The following ABHD5 variants were observed in gnomAD, a reference collection of about 807,000 sequenced individuals.
The protein encoded by ABHD5 is 1-acylglycerol-3-phosphate O-acyltransferase ABHD5.
In ABHD5, 30 loss-of-function variants were observed where a neutral mutation model predicts 44.9. That is an observed-to-expected ratio of 0.67 (90% CI 0.50 to 0.91). The LOEUF is 0.91. ABHD5 is among the 40% of genes least tolerant of loss of function. ABHD5 has a pLI of 0.00. For synonymous variants in ABHD5, 167 were observed against 147.0 expected (o/e 1.14, Z -0.99); for missense variants, 399 against 423.4 (o/e 0.94, Z 0.50).
At position 43,702,227 on chromosome 3, in the gene ABHD5, C is replaced by A. The variant is rs1420751372; in HGVS notation, c.146C>A (p.Thr49Lys). ...ATGTTTTCATTAGGTGTGCCTTGCA[C>A]ATACAAAAAAGAACCTGTTCGTATA... ...EEKMLKCVPC[T>K]YKKEPVRISN... Residue 49 changes from threonine to lysine, a missense_variant, in exon 3 of 7, where the codon ACA becomes AAA. Physicochemically the swap from Thr to Lys is moderately conservative, Grantham distance 78 (BLOSUM62 -1). Transcript: ENST00000644371. The A allele has an allele frequency of 6.3e-7, 1 of 1,588,180 alleles. No individual in the cohort carries two copies. Among genetic ancestry groups the A allele is most frequent in the Admixed American group, 1.7e-5 (1 of 57,296 alleles).
At chr3:43,715,443 G>A (rs2149605046) in intron 5 of ABHD5, among the ~76,000 whole-genome samples, 1 of 152,294 alleles carries the variant, frequency 6.6e-6, no homozygotes, top group Non-Finnish European at 1.5e-5. Flanking sequence ...GATTACAGGT[G>A]TGAGCCACCG....
In ABHD5 at chr3:43,721,237, T is replaced by C. The variant is rs2149608790; in HGVS notation, c.*2705T>C. Reference sequence around the variant, plus strand: ...TGTTGAGAGAAGTGTGGTTAACCATTTGGAAAAAAAAATAAAATTGAATCG... The same window carrying C: ...TGTTGAGAGAAGTGTGGTTAACCATCTGGAAAAAAAAATAAAATTGAATCG... On this transcript the variant is annotated 3_prime_UTR_variant, in exon 7 of 7. Transcript: ENST00000644371. 6.6e-6 allele frequency: 1 copy of C among 151,872 alleles called. No homozygotes were observed. The highest frequency in any genetic ancestry group is 2.1e-4 in the South Asian group (1 of 4,822). 9.4% of individuals were successfully genotyped at this position (151,872 alleles called of 1,614,324 possible). A position where few individuals can be genotyped will look rare whatever the true frequency, so the allele number is the denominator to read the frequency against.
chr3:43,696,994 T>C (rs1339915304), intron 1 of ABHD5, among the ~76,000 whole-genome samples: 1 of 152,186 alleles, frequency 6.6e-6, no homozygotes, highest in Non-Finnish European at 1.5e-5. Flanking sequence ...CCCTACTTTT[T>C]AATGTAAGCT....
At chr3:43,706,351 C>T (rs917552295) in intron 3 of ABHD5, among the ~76,000 whole-genome samples, 10 of 152,070 alleles carry the variant, frequency 6.6e-5, no homozygotes, top group Middle Eastern at 3.4e-3. Flanking sequence ...GTGGGGGGAG[C>T]GGTAAGAGGA....
chr3:43,731,942 G>A (rs1180599427), intron 7 of ABHD5, among the ~76,000 whole-genome samples: 1 of 152,292 alleles, frequency 6.6e-6, no homozygotes, highest in East Asian at 1.9e-4. Flanking sequence ...AGCGCCCCAT[G>A]CAGTTGCACA....
intron 3 of ABHD5, among the ~76,000 whole-genome samples, chr3:43,706,581 G>A (rs751996266): frequency 5.3e-5 from 8 of 151,736 alleles, no homozygotes; most frequent in Non-Finnish European, 8.8e-5. Context: ...AACCTCCCGT[G>A]TAGCTAGTAC....
At chr3:43,708,528 A>C (rs1306240111) in intron 3 of ABHD5, among the ~76,000 whole-genome samples, 1 of 152,270 alleles carries the variant, frequency 6.6e-6, no homozygotes, top group East Asian at 1.9e-4. Context: ...CTGTCTTTCC[A>C]TGTTCCCGGG....
chr3:43,711,654 A>G, intron 3 of ABHD5, 55 bp from the exon 4 acceptor site: 2 of 1,595,636 alleles, frequency 1.3e-6, no homozygotes, highest in Non-Finnish European at 8.6e-7. Context: ...TTAGCTCTTT[A>G]TAGTCTTAGG....
At chr3:43,716,477 C>A (rs2084764201) in intron 5 of ABHD5, among the ~76,000 whole-genome samples, 2 of 152,096 alleles carry the variant, frequency 1.3e-5, no homozygotes, top group South Asian at 4.1e-4. Flanking sequence ...TTATTTCCTC[C>A]CTCACTTTTG....
chr3:43,720,654 A>G lies in ABHD5; in HGVS notation c.*2122A>G, dbSNP rs2084824671. 6.6e-6 allele frequency: 1 copy of G among 152,208 alleles called. No homozygotes were observed. The highest frequency in any genetic ancestry group is 1.9e-4 in the East Asian group (1 of 5,202). The allele number at this position is 152,208 out of a possible 1,614,324, so 9.4% of individuals were successfully genotyped here. ...GCATTTGATCTTTGTTATGCACAGC[A>G]TACTTTTATTTTACAGAATAAATTT... is the stretch of plus-strand genomic sequence containing the variant. On this transcript the variant is annotated 3_prime_UTR_variant, in exon 7 of 7. Coordinates refer to ENST00000644371, the MANE Select transcript of ABHD5 (RefSeq NM_016006.6).
intron 6 of ABHD5, among the ~76,000 whole-genome samples, chr3:43,718,121 C>T (rs1473882386): frequency 1.3e-5 from 2 of 152,142 alleles, no homozygotes; most frequent in South Asian, 2.1e-4. Context: ...GGGATTGGTC[C>T]AGTAGCACTT....
intron 1 of ABHD5, among the ~76,000 whole-genome samples, chr3:43,692,936 T>C (rs1252388740): frequency 6.6e-6 from 1 of 152,192 alleles, no homozygotes; most frequent in Non-Finnish European, 1.5e-5. Flanking sequence ...AGTTATAAAA[T>C]GGTCATCTGA....
Position 43,721,209 on chromosome 3 carries a change from T to C in ABHD5, c.*2677T>C, listed in dbSNP as rs1377910047. The C allele has an allele frequency of 6.6e-6, 1 of 152,048 alleles. No homozygotes were observed. The highest frequency in any genetic ancestry group is 2.4e-5 in the African/African-American group (1 of 41,398). The allele number at this position is 152,048 out of a possible 1,614,324, so 9.4% of individuals were successfully genotyped here. On this transcript the variant is annotated 3_prime_UTR_variant, in exon 7 of 7. Transcript: ENST00000644371. ...CATTCAGAGAAAAAGGCTTTAAAAA[T>C]GGTGTTGAGAGAAGTGTGGTTAACC...
At chr3:43,711,600 G>A (rs2084688952) in intron 3 of ABHD5, 109 bp from the exon 4 acceptor site, 1 of 1,254,432 alleles carries the variant, frequency 8.0e-7, no homozygotes, top group Non-Finnish European at 1.2e-6. Context: ...TTAACGTGAA[G>A]GTTTTTGAAG....
intron 7 of ABHD5, among the ~76,000 whole-genome samples, chr3:43,731,567 C>T (rs1339135844): frequency 1.3e-5 from 2 of 152,166 alleles, no homozygotes; most frequent in African/African-American, 2.4e-5. Flanking sequence ...TGCGGTGGCT[C>T]ACACCTGTAA....
chr3:43,716,256 G>A (rs1192597951), intron 5 of ABHD5, among the ~76,000 whole-genome samples: 1 of 152,110 alleles, frequency 6.6e-6, no homozygotes, highest in African/African-American at 2.4e-5. Flanking sequence ...TGGAATTATT[G>A]GGGGTGCTTG....
chr3:43,694,712 TG>T (rs11288902), intron 1 of ABHD5, among the ~76,000 whole-genome samples: 3,296 of 150,688 alleles, frequency 0.022, 70 homozygotes, highest in African/African-American at 0.053. Flanking sequence ...AGTTACAGGT[TG>T]GGGGGGGAGG....
At chr3:43,707,048 A>G (rs952173514) in intron 3 of ABHD5, among the ~76,000 whole-genome samples, 4 of 152,342 alleles carry the variant, frequency 2.6e-5, no homozygotes, top group African/African-American at 9.6e-5. Flanking sequence ...AAGAACAAAT[A>G]AAAGCTGATC....
intron 1 of ABHD5, among the ~76,000 whole-genome samples, 162 bp from the exon 2 acceptor site, chr3:43,699,114 T>C (rs894804806): frequency 2.0e-5 from 3 of 152,246 alleles, no homozygotes; most frequent in Non-Finnish European, 2.9e-5. Context: ...TCCCAGTACT[T>C]ACCACCATGC....
Sources: allele counts gnomAD v4.1 joint callset (sites outside exome capture counted in the v4.1 genomes callset), GRCh38; gene constraint gnomAD v4.1.1; transcripts MANE v1.5; gene names NCBI Gene and HGNC (gene_info 2026-07-23, HGNC 2026-07-21).